Variants in CNTNAP2 observed in about 807,000 individuals in gnomAD.
The protein encoded by CNTNAP2 is contactin associated protein 2.
CNTNAP2 carries 98 observed loss-of-function variants against 155.2 expected under a neutral mutation model. That is an observed-to-expected ratio of 0.63 (90% confidence interval 0.54 to 0.75). CNTNAP2 has a LOEUF of 0.75. Ranked by LOEUF, CNTNAP2 falls within the 30% of genes least tolerant of loss-of-function variation. The probability of loss-of-function intolerance (pLI) is 0.00; values close to 1 mark genes in which losing one functional copy is unlikely to be tolerated. For missense variants in CNTNAP2, 1,727 were observed against 1,688.1 expected, an observed-to-expected ratio of 1.02 and a Z score of -0.40; for synonymous variants, 651 against 631.2, an observed-to-expected ratio of 1.03 and a Z score of -0.47.
intron 13 of CNTNAP2, among the ~76,000 whole-genome samples, chr7:147,784,898 T>C (rs762422773): frequency 2.2e-4 from 33 of 151,838 alleles, no homozygotes; most frequent in Non-Finnish European, 4.4e-4. Context: ...CACGATATTG[T>C]GATGCAGTGG....
At chr7:147,486,582 A>G (rs556320439) in intron 11 of CNTNAP2, among the ~76,000 whole-genome samples, 3 of 152,334 alleles carry the variant, frequency 2.0e-5, no homozygotes, top group Non-Finnish European at 4.4e-5. Flanking sequence ...TAAAATGAAG[A>G]CATAAGAGGG....
intron 14 of CNTNAP2, among the ~76,000 whole-genome samples, chr7:147,914,743 G>A (rs1030064543): frequency 1.3e-5 from 2 of 151,914 alleles, no homozygotes; most frequent in Non-Finnish European, 2.9e-5. Context: ...TAGAGATGGG[G>A]GTCTTGCCAT....
intron 2 of CNTNAP2, among the ~76,000 whole-genome samples, chr7:146,820,199 G>C: frequency 6.6e-6 from 1 of 152,098 alleles, no homozygotes; most frequent in East Asian, 1.9e-4. Context: ...TTTCAGAGTG[G>C]TAAATTAGTT....
chr7:147,507,550 C>CTTTTTTTTTT (rs3052511), intron 11 of CNTNAP2, among the ~76,000 whole-genome samples: 82 of 82,012 alleles, frequency 1.0e-3, no homozygotes, highest in Middle Eastern at 0.011. Flanking sequence ...CTCTTTCTTT[C>CTTTTTTTTTT]TTTTTTTTTT....
Position 147,997,858 on chromosome 7 carries a change from A to G in CNTNAP2, c.2383+19869A>G, listed in dbSNP as rs1040461219. On this transcript the variant is annotated intron_variant, in intron 15 of 23. Transcript: ENST00000361727. ...GCAGTAGCCGCACATGCGTGTTCAT[A>G]CGTCTCATGTCTCATTAACATCTTA... Among the ~76,000 whole-genome samples the G allele has an allele frequency of 2.0e-5, 3 of 152,248 alleles. No individual in the cohort carries two copies. In the South Asian group the frequency reaches 6.2e-4, roughly 32 times the overall value.
At chr7:148,222,903 G>T (rs977933679) in intron 19 of CNTNAP2, among the ~76,000 whole-genome samples, 3 of 152,118 alleles carry the variant, frequency 2.0e-5, no homozygotes, top group Non-Finnish European at 4.4e-5. Flanking sequence ...CAGTTGTCTT[G>T]GGCAATCAGT....
At chr7:148,288,238 T>A (rs1797123182) in intron 21 of CNTNAP2, among the ~76,000 whole-genome samples, 1 of 151,976 alleles carries the variant, frequency 6.6e-6, no homozygotes, top group South Asian at 2.1e-4. Flanking sequence ...TAGCTGGGAT[T>A]ACAGGCGCCC....
chr7:148,258,510 T>C (rs1796497096), intron 20 of CNTNAP2, among the ~76,000 whole-genome samples: 1 of 152,200 alleles, frequency 6.6e-6, no homozygotes, highest in Non-Finnish European at 1.5e-5. Flanking sequence ...TAGGCTTGTG[T>C]ATACCCTTCA....
intron 8 of CNTNAP2, among the ~76,000 whole-genome samples, chr7:147,281,659 T>C (rs1351804861): frequency 1.3e-5 from 2 of 151,804 alleles, no homozygotes; most frequent in East Asian, 1.9e-4. Context: ...ATTGGATATA[T>C]TTAAGAGAAA....
At chr7:146,208,166 G>A (rs2116879069) in intron 1 of CNTNAP2, among the ~76,000 whole-genome samples, 1 of 152,050 alleles carries the variant, frequency 6.6e-6, no homozygotes, top group African/African-American at 2.4e-5. Flanking sequence ...AGGGAGTGGT[G>A]GTGTTTGGGT....
chr7:148,033,412 G>A (rs184695764), intron 15 of CNTNAP2, among the ~76,000 whole-genome samples: 1 of 150,780 alleles, frequency 6.6e-6, no homozygotes, highest in East Asian at 1.9e-4. Flanking sequence ...TTGTTACATA[G>A]GTTACATGTG....
At chr7:147,394,143 T>G (rs773121689) in intron 9 of CNTNAP2, among the ~76,000 whole-genome samples, 1 of 151,902 alleles carries the variant, frequency 6.6e-6, no homozygotes, top group Non-Finnish European at 1.5e-5. Context: ...TCTCATGAGA[T>G]CTGATGGTTT....
At chr7:146,646,373 C>T (rs199503223) in intron 1 of CNTNAP2, among the ~76,000 whole-genome samples, 4 of 152,024 alleles carry the variant, frequency 2.6e-5, no homozygotes, top group African/African-American at 9.7e-5. Context: ...TAAATTAGAA[C>T]AAGCCATTAT....
intron 9 of CNTNAP2, among the ~76,000 whole-genome samples, chr7:147,377,106 T>A (rs529980632): frequency 1.3e-5 from 2 of 151,560 alleles, no homozygotes; most frequent in African/African-American, 4.8e-5. Flanking sequence ...ATTTTGCTTT[T>A]TCTTTTTGAT....
At chr7:147,878,033 T>C (rs10248203) in intron 13 of CNTNAP2, among the ~76,000 whole-genome samples, 6,019 of 152,242 alleles carry the variant, frequency 0.04, 384 homozygotes, top group African/African-American at 0.14. Context: ...TACTATATTT[T>C]GGTAGGGCGA....
intron 4 of CNTNAP2, chr7:147,082,180 T>C (rs2129268745): frequency 6.6e-6 from 1 of 152,322 alleles, no homozygotes; most frequent in South Asian, 2.1e-4. Flanking sequence ...TGCTGCTATT[T>C]AAACATTAGC....
rs538339826 is a variant in CNTNAP2, at chr7:148,310,598, C to G, written c.3475+43472C>G. Reference sequence around the variant, plus strand: ...TGTCGTGTCGGTGTCATGAGGGGAACAGGGAGCTCTTCGGTCCTATTTGCA... The same window carrying G: ...TGTCGTGTCGGTGTCATGAGGGGAAGAGGGAGCTCTTCGGTCCTATTTGCA... On this transcript the variant is annotated intron_variant, in intron 21 of 23. Coordinates refer to ENST00000361727, the MANE Select transcript of CNTNAP2 (RefSeq NM_014141.6). Among the ~76,000 whole-genome samples the G allele has an allele frequency of 5.3e-4, 81 of 152,170 alleles. 1 individual carries two copies. The highest frequency in any genetic ancestry group is 3.4e-3 in the Middle Eastern group (1 of 294).
intron 9 of CNTNAP2, among the ~76,000 whole-genome samples, chr7:147,386,142 A>G (rs375400487): frequency 6.6e-6 from 1 of 152,120 alleles, no homozygotes; most frequent in Non-Finnish European, 1.5e-5. Context: ...TAGACTGCAC[A>G]TAGCAGAGGG....
intron 2 of CNTNAP2, among the ~76,000 whole-genome samples, chr7:146,836,143 A>C (rs1020852240): frequency 2.0e-5 from 3 of 152,160 alleles, no homozygotes; most frequent in African/African-American, 7.2e-5. Flanking sequence ...CATAGATAGC[A>C]CCCATATAAC....
Sources: gnomAD v4.1 joint callset for allele counts (sites outside exome capture counted in the v4.1 genomes callset) on GRCh38, gnomAD v4.1.1 for gene constraint, MANE v1.5 for transcripts, NCBI Gene and HGNC (gene_info 2026-07-23, HGNC 2026-07-21) for gene names.